ELMO1: variants seen among roughly 807,000 people sequenced by gnomAD.
ELMO1 encodes the protein engulfment and cell motility 1.
In ELMO1, 26 loss-of-function variants were observed where a neutral mutation model predicts 98.9. The observed-to-expected ratio is 0.26, with a 90% CI of 0.19 to 0.36. The LOEUF (loss-of-function observed/expected upper bound fraction) is 0.36. ELMO1 is among the 10% of genes least tolerant of loss of function. The pLI, the probability that ELMO1 is intolerant of heterozygous loss-of-function variation, is 1.00. For synonymous variants in ELMO1, 346 were observed against 346.0 expected (o/e 1.00, Z 0.00); for missense variants, 627 against 935.2 (o/e 0.67, Z 4.30).
chr7:37,157,372 A>C (rs1220564175), intron 13 of ELMO1, among the ~76,000 whole-genome samples: 3 of 152,216 alleles, frequency 2.0e-5, no homozygotes, highest in Non-Finnish European at 4.4e-5. Context: ...GAGGAAGTCA[A>C]ATTGTCTCTG....
At chr7:37,170,586 TTCTC>T (rs1003286425) in intron 13 of ELMO1, among the ~76,000 whole-genome samples, 20 of 151,556 alleles carry the variant, frequency 1.3e-4, no homozygotes, top group African/African-American at 2.2e-4. Context: ...TTCTTTTTCT[TTCTC>T]TCTCTCTTTC....
At chr7:36,882,454 C>T (rs745736848) in intron 18 of ELMO1, among the ~76,000 whole-genome samples, 8 of 152,308 alleles carry the variant, frequency 5.3e-5, no homozygotes, top group Middle Eastern at 3.4e-3. Flanking sequence ...GATACAGAGA[C>T]GAAGGGCATC....
intron 14 of ELMO1, among the ~76,000 whole-genome samples, chr7:37,123,127 T>C (rs1786207305): frequency 6.6e-6 from 1 of 152,022 alleles, no homozygotes; most frequent in South Asian, 2.1e-4. Context: ...CTGGGACACA[T>C]TTAAAGCAGT....
chr7:37,399,490 C>T (rs1320906362), intron 1 of ELMO1, among the ~76,000 whole-genome samples: 3 of 152,176 alleles, frequency 2.0e-5, no homozygotes, highest in Non-Finnish European at 2.9e-5. Flanking sequence ...CAGCCCAACA[C>T]GAGCCCAGCA....
intron 14 of ELMO1, among the ~76,000 whole-genome samples, chr7:37,109,877 GC>G (rs1160962821): frequency 6.6e-6 from 1 of 152,234 alleles, no homozygotes; most frequent in Non-Finnish European, 1.5e-5. Context: ...AGAACAAGAT[GC>G]ATGGGACATT....
intron 8 of ELMO1, among the ~76,000 whole-genome samples, chr7:37,231,420 G>A (rs1461548830): frequency 6.6e-6 from 1 of 152,046 alleles, no homozygotes; most frequent in African/African-American, 2.4e-5. Flanking sequence ...ACCAGTCAGA[G>A]GACAGTGACA....
At chr7:37,332,710 G>A (rs757462517) in intron 2 of ELMO1, among the ~76,000 whole-genome samples, 13 of 152,354 alleles carry the variant, frequency 8.5e-5, no homozygotes, top group East Asian at 3.9e-4. Context: ...AGATGGTGGC[G>A]TTGGGGAACT....
intron 1 of ELMO1, among the ~76,000 whole-genome samples, chr7:37,436,568 A>T (rs1455584554): frequency 2.0e-5 from 3 of 152,196 alleles, no homozygotes; most frequent in African/African-American, 7.2e-5. Context: ...TGTCTAGATG[A>T]AGGTTTCTCT....
intron 13 of ELMO1, among the ~76,000 whole-genome samples, chr7:37,171,057 G>C (rs1487239122): frequency 2.0e-5 from 3 of 152,166 alleles, no homozygotes; most frequent in Non-Finnish European, 4.4e-5. Context: ...CTGAAGTCTT[G>C]AGTTGAAAGT....
chr7:37,438,631 T>C (rs1412206687), intron 1 of ELMO1, among the ~76,000 whole-genome samples: 1 of 151,642 alleles, frequency 6.6e-6, no homozygotes, highest in Non-Finnish European at 1.5e-5. Context: ...TCAGTGATAA[T>C]AACCTCAATA....
intron 13 of ELMO1, among the ~76,000 whole-genome samples, chr7:37,202,576 C>T (rs1010406563): frequency 6.6e-6 from 1 of 152,192 alleles, no homozygotes; most frequent in East Asian, 1.9e-4. Flanking sequence ...TTTGGTATAG[C>T]AGCCATTTCA....
chr7:37,366,631 C>G (rs977984345), intron 1 of ELMO1, among the ~76,000 whole-genome samples: 1 of 152,140 alleles, frequency 6.6e-6, no homozygotes, highest in Non-Finnish European at 1.5e-5. Context: ...GAGAATCTCC[C>G]GTCCTCACAC....
chr7:37,038,799 G>A (rs140057237), intron 15 of ELMO1, among the ~76,000 whole-genome samples: 8 of 152,300 alleles, frequency 5.3e-5, no homozygotes, highest in African/African-American at 1.9e-4. Context: ...GTTCTGGTGA[G>A]GGCCTTCTTC....
chr7:36,985,979 AC>A, intron 16 of ELMO1: 1 of 1,002,920 alleles, frequency 1.0e-6, no homozygotes, highest in South Asian at 4.7e-5. Context: ...AGCTGCTGCC[AC>A]CACAAAGCGA....
chr7:37,368,595 T>A (rs1801991946), intron 1 of ELMO1, among the ~76,000 whole-genome samples: 1 of 152,122 alleles, frequency 6.6e-6, no homozygotes, highest in Non-Finnish European at 1.5e-5. Flanking sequence ...AGGAATCTCA[T>A]CAAATAGCCC....
intron 2 of ELMO1, among the ~76,000 whole-genome samples, chr7:37,326,041 T>C (rs2244714): frequency 0.98 from 149,007 of 152,320 alleles, 72,988 homozygotes; most frequent in Middle Eastern, 1. Flanking sequence ...AGGCTGTGTC[T>C]ATACCCTATC....
intron 15 of ELMO1, among the ~76,000 whole-genome samples, chr7:37,028,328 A>G (rs1253822913): frequency 6.6e-6 from 1 of 152,148 alleles, no homozygotes; most frequent in Admixed American, 6.6e-5. Context: ...ATTTTTAAAA[A>G]CAGTTGATTC....
intron 13 of ELMO1, among the ~76,000 whole-genome samples, chr7:37,151,008 C>T (rs763767689): frequency 3.3e-5 from 5 of 152,222 alleles, no homozygotes; most frequent in South Asian, 2.1e-4. Flanking sequence ...GAGGGACTCA[C>T]GCTGGGCAGA....
At chr7:37,297,958 G>T (rs947061601) in intron 4 of ELMO1, among the ~76,000 whole-genome samples, 8 of 152,112 alleles carry the variant, frequency 5.3e-5, no homozygotes, top group African/African-American at 1.4e-4. Context: ...AGTAGATACA[G>T]TAGAATGCCA....
Sources: gnomAD v4.1 joint callset for allele counts (sites outside exome capture counted in the v4.1 genomes callset) on GRCh38, gnomAD v4.1.1 for gene constraint, MANE v1.5 for transcripts, NCBI Gene and HGNC (gene_info 2026-07-23, HGNC 2026-07-21) for gene names.